The following NRCAM variants were observed in gnomAD, a reference collection of about 807,000 sequenced individuals.
NRCAM encodes neuronal cell adhesion molecule, also known as NgCAM-related cell adhesion molecule.
Under a neutral mutation model 156.5 loss-of-function variants are expected in NRCAM, and 83 were observed. The observed-to-expected ratio is 0.53, with a 90% confidence interval of 0.44 to 0.64. The LOEUF (loss-of-function observed/expected upper bound fraction) is 0.64, where lower values mean the gene tolerates loss of function less well. Among genes scored for constraint, NRCAM ranks in the 30% least tolerant of loss-of-function variants. The pLI is 0.00. For synonymous variants in NRCAM, 538 were observed against 563.9 expected, an observed-to-expected ratio of 0.95 and a Z score of 0.65; for missense variants, 1,417 against 1,597.3, an observed-to-expected ratio of 0.89 and a Z score of 1.92.
chr7:108,217,020 T>G (rs991255626), intron 11 of NRCAM, among the ~76,000 whole-genome samples: 3 of 147,158 alleles, frequency 2.0e-5, no homozygotes, highest in African/African-American at 7.3e-5. Context: ...CTTTCAGACC[T>G]TTTGTACTGG....
At chr7:108,387,952 C>A (rs180988903) in intron 2 of NRCAM, among the ~76,000 whole-genome samples, 2 of 152,084 alleles carry the variant, frequency 1.3e-5, no homozygotes, top group African/African-American at 4.8e-5. Context: ...TTAATCCAGT[C>A]GATCATTGAT....
At chr7:108,165,480 T>C (rs2053430887) in intron 30 of NRCAM, among the ~76,000 whole-genome samples, 1 of 152,214 alleles carries the variant, frequency 6.6e-6, no homozygotes, top group Non-Finnish European at 1.5e-5. Flanking sequence ...TCCAGCTATA[T>C]ATGAAGATAA....
chr7:108,392,952 C>T (rs187887676), intron 2 of NRCAM, among the ~76,000 whole-genome samples: 5 of 152,234 alleles, frequency 3.3e-5, no homozygotes, highest in African/African-American at 7.2e-5. Context: ...GGTACCCAGC[C>T]GTGTGGGGTG....
chr7:108,295,796 T>C (rs942326444), intron 3 of NRCAM, among the ~76,000 whole-genome samples: 1 of 152,200 alleles, frequency 6.6e-6, no homozygotes, highest in Non-Finnish European at 1.5e-5. Flanking sequence ...GAGAACAGCA[T>C]TTGTGACAAC....
At chr7:108,207,290 G>GA in intron 13 of NRCAM, 1 of 335,974 alleles carries the variant, frequency 3.0e-6, no homozygotes, top group Non-Finnish European at 5.4e-6. Context: ...GTAAAAAGCA[G>GA]ACGAAATATT....
At chr7:108,237,955 G>C (rs576573767) in intron 4 of NRCAM, among the ~76,000 whole-genome samples, 186 bp from the exon 5 acceptor site, 37 of 152,270 alleles carry the variant, frequency 2.4e-4, no homozygotes, top group African/African-American at 8.7e-4. Flanking sequence ...TTGCATTAAC[G>C]GTTTCCTTTA....
chr7:108,426,427 A>G (rs1817381533), intron 1 of NRCAM, among the ~76,000 whole-genome samples: 1 of 152,234 alleles, frequency 6.6e-6, no homozygotes, highest in Non-Finnish European at 1.5e-5. Flanking sequence ...TATAGTTCAT[A>G]AAGCATTCAA....
intron 13 of NRCAM, among the ~76,000 whole-genome samples, chr7:108,200,225 C>T (rs577216215): frequency 6.6e-6 from 1 of 152,214 alleles, no homozygotes; most frequent in Admixed American, 6.5e-5. Context: ...TTCAAAATTG[C>T]CTTAAGGAAC....
chr7:108,162,717 AG>A (rs770275225), intron 30 of NRCAM, among the ~76,000 whole-genome samples: 9 of 152,228 alleles, frequency 5.9e-5, no homozygotes, highest in Non-Finnish European at 1.0e-4. Context: ...TAAAGAAAAA[AG>A]TATCGAATAT....
intron 2 of NRCAM, among the ~76,000 whole-genome samples, chr7:108,337,789 C>T (rs1021876096): frequency 2.6e-4 from 40 of 151,884 alleles, no homozygotes; most frequent in Middle Eastern, 3.4e-3. Flanking sequence ...GGAAGCCGCC[C>T]GCCACCATCT....
At chr7:108,355,337 G>C (rs2099485256) in intron 2 of NRCAM, among the ~76,000 whole-genome samples, 1 of 152,200 alleles carries the variant, frequency 6.6e-6, no homozygotes, top group Admixed American at 6.5e-5. Context: ...GTGGGCAACA[G>C]AAGTGAAGAA....
chr7:108,236,536 A>G (rs908953406), intron 5 of NRCAM, among the ~76,000 whole-genome samples: 4 of 152,146 alleles, frequency 2.6e-5, no homozygotes, highest in African/African-American at 9.7e-5. Context: ...ATTTCAAGCC[A>G]ATTTCTTAAC....
chr7:108,285,555 G>C (rs2098063046), intron 3 of NRCAM, among the ~76,000 whole-genome samples: 1 of 152,194 alleles, frequency 6.6e-6, no homozygotes, highest in Admixed American at 6.5e-5. Flanking sequence ...AACTAGGGTA[G>C]GGGGAAGGAT....
chr7:108,352,073 C>G (rs1284240094), intron 2 of NRCAM, among the ~76,000 whole-genome samples: 2 of 152,136 alleles, frequency 1.3e-5, no homozygotes, highest in Non-Finnish European at 2.9e-5. Flanking sequence ...AACAACAAAG[C>G]CACCATTATA....
intron 1 of NRCAM, among the ~76,000 whole-genome samples, chr7:108,414,128 T>G (rs1296797229): frequency 6.6e-6 from 1 of 152,192 alleles, no homozygotes; most frequent in African/African-American, 2.4e-5. Context: ...AACAGGAACT[T>G]AAAACTTAAT....
At chr7:108,390,161 C>T (rs546756762) in intron 2 of NRCAM, among the ~76,000 whole-genome samples, 12 of 152,198 alleles carry the variant, frequency 7.9e-5, no homozygotes, top group Admixed American at 2.0e-4. Flanking sequence ...TGGTAGAATT[C>T]GGCTATGAAT....
chr7:108,166,374 A>G (rs1370893690), intron 30 of NRCAM, among the ~76,000 whole-genome samples: 1 of 150,950 alleles, frequency 6.6e-6, no homozygotes, highest in Non-Finnish European at 1.5e-5. Context: ...CAGCCTCCTG[A>G]GTAGCTGGGA....
intron 28 of NRCAM, 96 bp downstream of exon 28, chr7:108,175,226 A>G: frequency 1.1e-6 from 1 of 898,990 alleles, no homozygotes; most frequent in Non-Finnish European, 1.6e-6. Flanking sequence ...TGGTGGTTCA[A>G]AGCATATTTT....
At chr7:108,274,670 T>C (rs1010999913) in intron 3 of NRCAM, among the ~76,000 whole-genome samples, 11 of 152,224 alleles carry the variant, frequency 7.2e-5, no homozygotes, top group Non-Finnish European at 1.3e-4. Flanking sequence ...AAATATACAG[T>C]CACGTCATCT....
Sources: allele counts gnomAD v4.1 joint callset (sites outside exome capture counted in the v4.1 genomes callset), GRCh38; gene constraint gnomAD v4.1.1; transcripts MANE v1.5; gene names NCBI Gene and HGNC (gene_info 2026-07-23, HGNC 2026-07-21).